The following TMEM135 variants were observed in gnomAD, a reference collection of about 807,000 sequenced individuals.
TMEM135 encodes the protein peroxisomal membrane protein 52.
In TMEM135, 30 loss-of-function variants were observed where a neutral mutation model predicts 60.3. That is an observed-to-expected ratio of 0.50 (90% CI 0.37 to 0.68). The LOEUF (loss-of-function observed/expected upper bound fraction) is 0.68. TMEM135 is among the 30% of genes least tolerant of loss of function. The pLI, the probability that TMEM135 is intolerant of heterozygous loss-of-function variation, is 0.00. For synonymous variants in TMEM135, 190 were observed against 186.7 expected (o/e 1.02, Z -0.14); for missense variants, 468 against 548.8 (o/e 0.85, Z 1.47).
chr11:87,189,999 A>G (rs1327017752), intron 5 of TMEM135, among the ~76,000 whole-genome samples: 1 of 152,218 alleles, frequency 6.6e-6, no homozygotes, highest in African/African-American at 2.4e-5. Flanking sequence ...AAGACAGAAC[A>G]GTAGATACAA....
At chr11:87,211,037 G>A (rs1195638706) in intron 5 of TMEM135, among the ~76,000 whole-genome samples, 3 of 152,154 alleles carry the variant, frequency 2.0e-5, no homozygotes, top group Non-Finnish European at 4.4e-5. Context: ...CATAGCCAAT[G>A]TCATACTGAA....
At chr11:87,109,771 T>C (rs1337475204) in intron 4 of TMEM135, among the ~76,000 whole-genome samples, 1 of 151,984 alleles carries the variant, frequency 6.6e-6, no homozygotes, top group African/African-American at 2.4e-5. Flanking sequence ...TCCTGCAGTA[T>C]GTTAAAGTAA....
intron 6 of TMEM135, among the ~76,000 whole-genome samples, chr11:87,261,796 G>GTTTTTTTT (rs1941656596): frequency 6.6e-6 from 1 of 151,772 alleles, no homozygotes; most frequent in African/African-American, 2.4e-5. Context: ...TAATTTTTTA[G>GTTTTTTTT]TTTTGTTTTT....
intron 6 of TMEM135, among the ~76,000 whole-genome samples, chr11:87,253,949 C>A (rs2459960): frequency 1.3e-5 from 2 of 151,566 alleles, no homozygotes; most frequent in African/African-American, 4.8e-5. Flanking sequence ...ATAAATTATT[C>A]TTGTTTTGAA....
intron 4 of TMEM135, among the ~76,000 whole-genome samples, chr11:87,119,943 T>C (rs1023248633): frequency 2.0e-5 from 3 of 151,618 alleles, no homozygotes; most frequent in Non-Finnish European, 4.4e-5. Flanking sequence ...TGCATATGCA[T>C]ATGCAGTCAT....
intron 4 of TMEM135, among the ~76,000 whole-genome samples, chr11:87,146,266 A>T (rs948677774): frequency 6.6e-6 from 1 of 152,200 alleles, no homozygotes; most frequent in African/African-American, 2.4e-5. Flanking sequence ...CTGTAATCCC[A>T]GCTACTCAGG....
At chr11:87,067,603 ATAT>A in intron 1 of TMEM135, 88 bp from the exon 2 acceptor site, 2 of 1,539,940 alleles carry the variant, frequency 1.3e-6, no homozygotes, top group Non-Finnish European at 1.8e-6. Context: ...TAACTTATAA[ATAT>A]ATGCTTTTAT....
At position 87,053,209 on chromosome 11, in the gene TMEM135, G is replaced by A. The variant is rs7932520; in HGVS notation, c.142-14485G>A. ...GGGATAGCAAAAAAAAAAAAAAAGT[G>A]TATTTTTATGGAATACATAAAAGGT... On this transcript the variant is annotated intron_variant, in intron 1 of 14. Coordinates refer to ENST00000305494, the MANE Select transcript of TMEM135 (RefSeq NM_022918.4). 1.8e-3 allele frequency among the ~76,000 whole-genome samples: 265 copies of A among 148,672 alleles called. 2 individuals carry two copies. The highest frequency in any genetic ancestry group is 6.0e-3 in the African/African-American group (243 of 40,540).
chr11:87,313,587 C>G, intron 11 of TMEM135, 99 bp downstream of exon 11: 1 of 1,049,886 alleles, frequency 9.5e-7, no homozygotes, highest in Non-Finnish European at 1.5e-6. Context: ...ATGAATCTTC[C>G]TTTCTCTATC....
Position 87,327,313 on chromosome 11 carries a change from T to A in TMEM135, c.*5980T>A. On this transcript the variant is annotated 3_prime_UTR_variant, in exon 15 of 15. Coordinates refer to ENST00000305494, the MANE Select transcript of TMEM135 (RefSeq NM_022918.4). The stretch of plus-strand genomic sequence containing the variant: ...GTAGGGTCTGAATCTGTGGCAGCAA[T>A]CTTGCAGACATGAAATGAAAAGTAC... The A allele has an allele frequency of 2.2e-6, 1 of 454,034 alleles. No homozygotes were observed. 28.1% of individuals were successfully genotyped at this position (454,034 alleles called of 1,614,324 possible).
At chr11:87,067,881 G>T (rs1050564414) in intron 2 of TMEM135, 60 bp downstream of exon 2, 1 of 1,587,056 alleles carries the variant, frequency 6.3e-7, no homozygotes, top group Non-Finnish European at 8.6e-7. Context: ...ATGGAAACAA[G>T]TATGTGTTTA....
At chr11:87,266,107 C>G (rs1372038439) in intron 6 of TMEM135, among the ~76,000 whole-genome samples, 1 of 152,082 alleles carries the variant, frequency 6.6e-6, no homozygotes, top group Non-Finnish European at 1.5e-5. Flanking sequence ...CACAGACCAC[C>G]CAGGCCTGAA....
chr11:87,039,578 A>C (rs527981313), intron 1 of TMEM135, among the ~76,000 whole-genome samples: 45 of 152,222 alleles, frequency 3.0e-4, no homozygotes, highest in African/African-American at 8.4e-4. Flanking sequence ...TTTTCTTTTT[A>C]TTTTTGGATA....
intron 3 of TMEM135, among the ~76,000 whole-genome samples, chr11:87,075,668 T>A (rs1590999464): frequency 6.6e-6 from 1 of 152,194 alleles, no homozygotes; most frequent in East Asian, 1.9e-4. Flanking sequence ...AGGCCAGTTG[T>A]CTCGTTGTAT....
chr11:87,216,001 G>C (rs1012049820), intron 5 of TMEM135, among the ~76,000 whole-genome samples: 6 of 152,108 alleles, frequency 3.9e-5, no homozygotes, highest in Non-Finnish European at 2.9e-5. Flanking sequence ...AAGAGAGAGA[G>C]ACCATTCATG....
At chr11:87,285,158 ATTG>A (rs751628810) in intron 6 of TMEM135, among the ~76,000 whole-genome samples, 10 of 152,262 alleles carry the variant, frequency 6.6e-5, no homozygotes, top group African/African-American at 7.2e-5. Context: ...AAAATGTACA[ATTG>A]TTGATCATGT....
At chr11:87,150,285 TCTTTTCTACTGCTTCTAACA>T (rs1938525665) in intron 4 of TMEM135, among the ~76,000 whole-genome samples, 1 of 152,010 alleles carries the variant, frequency 6.6e-6, no homozygotes, top group Admixed American at 6.6e-5. Context: ...ACAGTAGTAT[TCTTTTCTACTGCTTCTAACA>T]CATGAATTCC....
At chr11:87,136,370 ATTC>A (rs1365813864) in intron 4 of TMEM135, among the ~76,000 whole-genome samples, 1 of 151,964 alleles carries the variant, frequency 6.6e-6, no homozygotes, top group Non-Finnish European at 1.5e-5. Flanking sequence ...TCAGTGTATT[ATTC>A]TTCTTATATA....
chr11:87,265,345 GACCAAGTTCCTGTCATCC>G, intron 6 of TMEM135, among the ~76,000 whole-genome samples: 1 of 152,054 alleles, frequency 6.6e-6, no homozygotes, highest in East Asian at 1.9e-4. Flanking sequence ...TACTGAGTCA[GACCAAGTTCCTGTCATCC>G]ATGAAGAATA....
Sources: allele counts gnomAD v4.1 joint callset (sites outside exome capture counted in the v4.1 genomes callset), GRCh38; gene constraint gnomAD v4.1.1; transcripts MANE v1.5; gene names NCBI Gene and HGNC (gene_info 2026-07-23, HGNC 2026-07-21).